SLC16A7: variants seen among roughly 807,000 people sequenced by gnomAD.
SLC16A7 encodes the protein monocarboxylate transporter 2.
A neutral mutation model predicts 34.9 loss-of-function variants in SLC16A7; 33 were observed. The observed-to-expected ratio is 0.94, with a 90% CI of 0.72 to 1.26. The LOEUF is 1.26. Among genes scored for constraint, SLC16A7 ranks in the 50% most tolerant of loss-of-function variants. The pLI is 0.00. For missense variants in SLC16A7, 573 were observed against 578.1 expected (o/e 0.99, Z 0.09); for synonymous variants, 201 against 206.6 (o/e 0.97, Z 0.23).
At chr12:59,689,315 A>G (rs9325168) in intron 2 of SLC16A7, 1 of 151,952 alleles carries the variant, frequency 6.6e-6, no homozygotes, top group Non-Finnish European at 1.5e-5. Flanking sequence ...GTGTTGAGTG[A>G]CAAAGAGATA....
intron 3 of SLC16A7, among the ~76,000 whole-genome samples, chr12:59,754,777 T>C (rs1055058141): frequency 1.3e-5 from 2 of 152,330 alleles, no homozygotes; most frequent in Admixed American, 1.3e-4. Flanking sequence ...ATCATCCTGA[T>C]ACCAAAGCTG....
At chr12:59,700,261 A>T (rs1872727502) in intron 2 of SLC16A7, among the ~76,000 whole-genome samples, 1 of 151,698 alleles carries the variant, frequency 6.6e-6, no homozygotes, top group African/African-American at 2.4e-5. Context: ...GCGGTTCAGC[A>T]TTTGGTAATT....
chr12:59,622,661 A>G (rs1879743995), intron 1 of SLC16A7, among the ~76,000 whole-genome samples: 1 of 151,728 alleles, frequency 6.6e-6, no homozygotes, highest in Non-Finnish European at 1.5e-5. Context: ...TCAAGGTCAT[A>G]AAGATTCTAT....
chr12:59,778,711 A>T (rs1882994738), intron 5 of SLC16A7, among the ~76,000 whole-genome samples: 1 of 152,148 alleles, frequency 6.6e-6, no homozygotes, highest in African/African-American at 2.4e-5. Context: ...TTAGACTCAG[A>T]TAAAGTGAAA....
chr12:59,662,745 G>A (rs2137032031), intron 2 of SLC16A7, among the ~76,000 whole-genome samples: 1 of 152,216 alleles, frequency 6.6e-6, no homozygotes, highest in African/African-American at 2.4e-5. Flanking sequence ...AGGTGTTACT[G>A]TGATTACAAA....
intron 3 of SLC16A7, among the ~76,000 whole-genome samples, chr12:59,708,321 A>G (rs1351219582): frequency 6.6e-6 from 1 of 152,108 alleles, no homozygotes; most frequent in East Asian, 1.9e-4. Flanking sequence ...TTTTATCAGG[A>G]TTTCTGTTGT....
chr12:59,657,741 A>G (rs531204000), intron 2 of SLC16A7, among the ~76,000 whole-genome samples: 9 of 152,012 alleles, frequency 5.9e-5, no homozygotes, highest in Non-Finnish European at 1.3e-4. Context: ...AACATGTGTT[A>G]CATACCTCCT....
At chr12:59,726,667 A>G (rs1876279478) in intron 3 of SLC16A7, among the ~76,000 whole-genome samples, 1 of 152,166 alleles carries the variant, frequency 6.6e-6, no homozygotes, top group Admixed American at 6.5e-5. Context: ...ACCAAGGACC[A>G]GGAGATCTGA....
chr12:59,605,778 T>C (rs1878909106), intron 1 of SLC16A7, among the ~76,000 whole-genome samples: 1 of 152,212 alleles, frequency 6.6e-6, no homozygotes, highest in Non-Finnish European at 1.5e-5. Flanking sequence ...TGTAGTTATC[T>C]CTTTATTCTC....
At chr12:59,738,031 T>G (rs1057444897) in intron 3 of SLC16A7, among the ~76,000 whole-genome samples, 3 of 152,212 alleles carry the variant, frequency 2.0e-5, no homozygotes, top group African/African-American at 4.8e-5. Flanking sequence ...AAGATTTATA[T>G]TAAATTATAT....
At chr12:59,740,170 G>A (rs1303435735) in intron 3 of SLC16A7, among the ~76,000 whole-genome samples, 3 of 151,336 alleles carry the variant, frequency 2.0e-5, no homozygotes, top group African/African-American at 7.3e-5. Context: ...GGCTTTTTAT[G>A]GTTTTAGGTC....
At chr12:59,709,450 T>C (rs1873966733) in intron 3 of SLC16A7, among the ~76,000 whole-genome samples, 1 of 151,604 alleles carries the variant, frequency 6.6e-6, no homozygotes, top group Non-Finnish European at 1.5e-5. Flanking sequence ...GTGGTCATAA[T>C]GTACAATATG....
intron 4 of SLC16A7, among the ~76,000 whole-genome samples, chr12:59,773,397 A>G (rs905168346): frequency 1.3e-5 from 2 of 152,066 alleles, no homozygotes; most frequent in Non-Finnish European, 2.9e-5. Context: ...AGACCTGTGT[A>G]TTTCACAACT....
chr12:59,704,822 C>G lies in SLC16A7; in HGVS notation c.21C>G (p.Ala7=). 6.2e-7 allele frequency: 1 copy of G among 1,613,452 alleles called. No homozygotes were observed. Among genetic ancestry groups the G allele is most frequent in the Non-Finnish European group, 8.5e-7 (1 of 1,179,638 alleles). The part of the protein sequence containing the change: MPPMPS[A]PPVHPPPDGG... ...CAGAAATGCCACCAATGCCAAGTGC[C>G]CCACCTGTGCATCCACCTCCAGATG... Residue 7 remains alanine (A), a synonymous_variant, in exon 3 of 6, where the codon GCC becomes GCG. Transcript: ENST00000547379.
intron 2 of SLC16A7, among the ~76,000 whole-genome samples, chr12:59,702,798 T>G (rs1001625447): frequency 3.0e-4 from 46 of 152,074 alleles, no homozygotes; most frequent in African/African-American, 1.1e-3. Context: ...AGGATTTTTT[T>G]GCTTGCTTTT....
At position 59,720,090 on chromosome 12, in the gene SLC16A7, A is replaced by G. The variant is rs956925803; in HGVS notation, c.217+15072A>G. The stretch of plus-strand genomic sequence containing the variant: ...TTCTAATTCTTCAGGTTGGTATCAT[A>G]TGCAATAGCTGTATATTCCATCAGT... On this transcript the variant is annotated intron_variant, in intron 3 of 5. Coordinates refer to ENST00000547379, the MANE Select transcript of SLC16A7 (RefSeq NM_001270623.2). 7 of 700,518 alleles carry G rather than the reference A, an allele frequency of 1.0e-5. No individual in the cohort carries two copies. The African/African-American group carries it at 1.1e-4, about 11-fold the overall frequency. 43.4% of individuals were successfully genotyped at this position (700,518 alleles called of 1,614,324 possible).
chr12:59,636,925 A>C (rs1037962328), intron 1 of SLC16A7, among the ~76,000 whole-genome samples: 1 of 152,094 alleles, frequency 6.6e-6, no homozygotes, highest in African/African-American at 2.4e-5. Flanking sequence ...TAACTTAGAA[A>C]ATTTTGTTTT....
At position 59,606,217 on chromosome 12, in the gene SLC16A7, C is replaced by T. The variant is rs567246865; in HGVS notation, c.-130+9981C>T. 3.9e-5 allele frequency among the ~76,000 whole-genome samples: 6 copies of T among 152,174 alleles called. No homozygotes were observed. In the South Asian group the frequency reaches 1.0e-3, roughly 26 times the overall value. ...ATGGATAAAATTCTAGTTTCTGGCA[C>T]ATATATGAGGAGATTCAAGTGCTGA... On this transcript the variant is annotated intron_variant, in intron 1 of 5. Coordinates refer to ENST00000547379, the MANE Select transcript of SLC16A7 (RefSeq NM_001270623.2).
At chr12:59,658,368 G>A (rs1868646872) in intron 2 of SLC16A7, among the ~76,000 whole-genome samples, 1 of 152,046 alleles carries the variant, frequency 6.6e-6, no homozygotes, top group Non-Finnish European at 1.5e-5. Flanking sequence ...TGTGGAAATA[G>A]ATGGATCTTT....
Sources: gnomAD v4.1 joint callset for allele counts (sites outside exome capture counted in the v4.1 genomes callset) on GRCh38, gnomAD v4.1.1 for gene constraint, MANE v1.5 for transcripts, NCBI Gene and HGNC (gene_info 2026-07-23, HGNC 2026-07-21) for gene names.